The following SLC7A8 variants were observed in gnomAD, a reference collection of about 807,000 sequenced individuals.
The protein encoded by SLC7A8 is solute carrier family 7 member 8, also known as large neutral amino acids transporter small subunit 2.
In SLC7A8, 30 loss-of-function variants were observed where a neutral mutation model predicts 51.2. The observed-to-expected ratio is 0.59, with a 90% CI of 0.44 to 0.80. SLC7A8 has a LOEUF of 0.80. Ranked by LOEUF, SLC7A8 falls within the 30% of genes least tolerant of loss-of-function variation. SLC7A8 has a pLI of 0.00. For missense variants in SLC7A8, 612 were observed against 674.4 expected (o/e 0.91, Z 1.03); for synonymous variants, 257 against 275.8 (o/e 0.93, Z 0.67).
Position 23,129,738 on chromosome 14 carries a change from C to T in SLC7A8, c.1175G>A (p.Gly392Asp), listed in dbSNP as rs2048614709. ...CCCATAGAAGAGGTAGTTGATGAAG[C>T]CCACATAGTTGATGAGTGTGTACAT... ...SDMYTLINYV[G>D]FINYLFYGVT... is the part of the protein sequence containing the mutation. The change falls in exon 9 of 11, where the codon GGC becomes GAC. Residue 392 changes from glycine to aspartate, a missense_variant. Coordinates refer to ENST00000316902, the MANE Select transcript of SLC7A8 (RefSeq NM_012244.4). The T allele has an allele frequency of 6.2e-7, 1 of 1,614,160 alleles. No individual in the cohort carries two copies. Among genetic ancestry groups the T allele is most frequent in the Middle Eastern group, 1.6e-4 (1 of 6,062 alleles).
intron 3 of SLC7A8, among the ~76,000 whole-genome samples, chr14:23,151,570 AAC>A (rs2048847520): frequency 6.6e-6 from 1 of 151,942 alleles, no homozygotes; most frequent in South Asian, 2.1e-4. Flanking sequence ...CAGCCTGGGC[AAC>A]ACAGCAAGAT....
Position 23,143,207 on chromosome 14 carries a change from G to GA in SLC7A8, c.509-4dup, listed in dbSNP as rs1566362112. ...ACAGTTGACCCATGTGAGGAGCACTGAAATGAAAGACCCCCAAACAGACCT... is the reference window on the plus strand; with the variant it reads ...ACAGTTGACCCATGTGAGGAGCACTGAAAATGAAAGACCCCCAAACAGACCT... On this transcript the variant is annotated splice_region_variant and splice_polypyrimidine_tract_variant and intron_variant, in intron 3 of 10. Transcript: ENST00000316902. 1.9e-6 allele frequency: 3 copies of GA among 1,614,120 alleles called. No homozygotes were observed. Among genetic ancestry groups the GA allele is most frequent in the Non-Finnish European group, 2.5e-6 (3 of 1,180,004 alleles).
rs112144609 is a variant in SLC7A8, at chr14:23,165,575, A to G, written c.357-139T>C. On this transcript the variant is annotated intron_variant, in intron 2 of 10. Coordinates refer to ENST00000316902, the MANE Select transcript of SLC7A8 (RefSeq NM_012244.4). The surrounding 1 kb of genome is among the most constrained non-coding windows in gnomAD (Gnocchi z 4.2). ...CAGCCTCTGCCCCCACCCACAAATG[A>G]GACACCCAGCCCTCTGCAGTGACAA... The G allele has an allele frequency of 8.7e-5, 69 of 789,392 alleles. No individual in the cohort carries two copies. Among genetic ancestry groups the G allele is most frequent in the Admixed American group, 1.4e-4 (4 of 28,322 alleles). 48.9% of individuals were successfully genotyped at this position (789,392 alleles called of 1,614,324 possible). A position where few individuals can be genotyped will look rare whatever the true frequency, so the allele number is the denominator to read the frequency against.
intron 1 of SLC7A8, among the ~76,000 whole-genome samples, chr14:23,179,685 T>C (rs1877077656): frequency 6.6e-6 from 1 of 151,836 alleles, no homozygotes; most frequent in African/African-American, 2.4e-5. Context: ...GGTGTATGCC[T>C]GTGGTCACAG....
At chr14:23,155,244 G>A (rs1481867575) in intron 3 of SLC7A8, 2 of 1,536,078 alleles carry the variant, frequency 1.3e-6, no homozygotes, top group Admixed American at 2.0e-5. Context: ...TCTCTTCCAA[G>A]GACACACCAG....
intron 1 of SLC7A8, among the ~76,000 whole-genome samples, chr14:23,172,421 G>A (rs1750757108): frequency 6.6e-6 from 1 of 152,188 alleles, no homozygotes; most frequent in African/African-American, 2.4e-5. Context: ...CTTGTTTTGG[G>A]AGGTAATTGG....
intron 1 of SLC7A8, among the ~76,000 whole-genome samples, chr14:23,179,112 G>A (rs1428710525): frequency 6.6e-6 from 1 of 151,904 alleles, no homozygotes; most frequent in Non-Finnish European, 1.5e-5. Context: ...CCCAGAATCA[G>A]CTCCCCTACT....
intron 1 of SLC7A8, among the ~76,000 whole-genome samples, chr14:23,178,060 A>G (rs1299307247): frequency 6.6e-6 from 1 of 152,226 alleles, no homozygotes; most frequent in Non-Finnish European, 1.5e-5. Context: ...GACCTTCAGC[A>G]AAGTTGCTTA....
chr14:23,166,979 T>G (rs1457529346), intron 1 of SLC7A8, among the ~76,000 whole-genome samples: 7 of 152,102 alleles, frequency 4.6e-5, no homozygotes, highest in Non-Finnish European at 1.0e-4. Flanking sequence ...ATGGCAGGGC[T>G]GGAAAAGTGG....
intron 3 of SLC7A8, among the ~76,000 whole-genome samples, chr14:23,159,667 A>G (rs1357760732): frequency 1.3e-5 from 2 of 152,214 alleles, no homozygotes; most frequent in Non-Finnish European, 2.9e-5. Flanking sequence ...GATTGATTAA[A>G]TTTGCAAGAG....
rs868859859 is a variant in SLC7A8 at position 23,144,345 on chromosome 14, T to A, written c.509-1141A>T. 8.6e-3 allele frequency among the ~76,000 whole-genome samples: 1,198 copies of A among 138,956 alleles called. 18 individuals are homozygous for A. The highest frequency in any genetic ancestry group is 0.037 in the African/African-American group (1,142 of 30,640). The allele number at this position is 138,956 out of a possible 152,430, so 91.2% of individuals were successfully genotyped here. On this transcript the variant is annotated intron_variant, in intron 3 of 10. Transcript: ENST00000316902. ...GGTATTGTCAGTTTAAACACAATTTTTTTTTTTTTTTTTTTTTTGGCTAAT... is the reference window on the plus strand; with the variant it reads ...GGTATTGTCAGTTTAAACACAATTTATTTTTTTTTTTTTTTTTTGGCTAAT...
At chr14:23,138,054 G>C in intron 6 of SLC7A8, 30 bp from the exon 7 acceptor site, 8 of 1,613,104 alleles carry the variant, frequency 5.0e-6, no homozygotes, top group Non-Finnish European at 6.8e-6. Context: ...GATAAGCAAA[G>C]GAGAGGTCAC....
At chr14:23,136,200 A>C (rs2048688519) in intron 7 of SLC7A8, among the ~76,000 whole-genome samples, 1 of 152,188 alleles carries the variant, frequency 6.6e-6, no homozygotes, top group African/African-American at 2.4e-5. Flanking sequence ...CATAAGCAGT[A>C]ACCATCATGA....
At position 23,126,943 on chromosome 14, in the gene SLC7A8, G is replaced by T. The variant is rs961474335; in HGVS notation, c.*234C>A. ...CCCCTCTCCTCCAGCAGCTGGGAGT[G>T]TGGGCAGCACTGGAGTGGGGCCTGG... On this transcript the variant is annotated 3_prime_UTR_variant, in exon 11 of 11. Coordinates refer to ENST00000316902, the MANE Select transcript of SLC7A8 (RefSeq NM_012244.4). 4 of 552,646 alleles carry T rather than the reference G, an allele frequency of 7.2e-6. No homozygotes were observed. The highest frequency in any genetic ancestry group is 1.9e-5 in the African/African-American group (1 of 52,918). The allele number at this position is 552,646 out of a possible 1,614,324, so 34.2% of individuals were successfully genotyped here.
At position 23,127,346 on chromosome 14, in the gene SLC7A8, G is replaced by T. The variant is rs1413439280; in HGVS notation, c.1442-3C>A. 2 of 1,613,428 alleles carry T rather than the reference G, an allele frequency of 1.2e-6. No homozygotes were observed. The highest frequency in any genetic ancestry group is 3.3e-5 in the Admixed American group (2 of 59,992). On this transcript the variant is annotated splice_region_variant and splice_polypyrimidine_tract_variant and intron_variant, in intron 10 of 10. Transcript: ENST00000316902. The stretch of plus-strand genomic sequence containing the variant: ...CTGGCTCACCAGGGTTAGCAGCTCT[G>T]TAGGAAGAGATCACACAGAAACCAG...
rs1276003404 is a variant in SLC7A8, at chr14:23,183,496, G to A, written c.-582C>T. 1 of 152,118 alleles carries A rather than the reference G, an allele frequency of 6.6e-6. No individual in the cohort carries two copies. The highest frequency in any genetic ancestry group is 1.5e-5 in the Non-Finnish European group (1 of 68,074). The allele number at this position is 152,118 out of a possible 1,614,324, so 9.4% of individuals were successfully genotyped here. A position where few individuals can be genotyped will look rare whatever the true frequency, so the allele number is the denominator to read the frequency against. On this transcript the variant is annotated 5_prime_UTR_variant, in exon 1 of 11. Transcript: ENST00000316902. ...GTTGCTCTAGATCTGGTTTCCACCT[G>A]CTTTGGGTTTCTTTTCCCTTCCCCG...
chr14:23,126,853 C>A lies in SLC7A8; in HGVS notation c.*324G>T. The A allele has an allele frequency of 2.6e-6, 1 of 379,290 alleles. No individual in the cohort carries two copies. The highest frequency in any genetic ancestry group is 2.0e-5 in the African/African-American group (1 of 49,044). The allele number at this position is 379,290 out of a possible 1,614,324, so 23.5% of individuals were successfully genotyped here. A position where few individuals can be genotyped will look rare whatever the true frequency, so the allele number is the denominator to read the frequency against. On this transcript the variant is annotated 3_prime_UTR_variant, in exon 11 of 11. Coordinates refer to ENST00000316902, the MANE Select transcript of SLC7A8 (RefSeq NM_012244.4). Reference sequence around the variant, plus strand: ...TGGGAGGGAAGGCAGTAATGAGCTCCGGTTCCTGAAGAGGCAGCTGAGGGT... The same window carrying A: ...TGGGAGGGAAGGCAGTAATGAGCTCAGGTTCCTGAAGAGGCAGCTGAGGGT...
chr14:23,160,629 G>A (rs1369796763), intron 3 of SLC7A8, among the ~76,000 whole-genome samples: 1 of 151,008 alleles, frequency 6.6e-6, no homozygotes, highest in Non-Finnish European at 1.5e-5. Context: ...ATAGGTCCAT[G>A]CAGCCAGAGT....
At chr14:23,148,128 A>T (rs1566364751) in intron 3 of SLC7A8, among the ~76,000 whole-genome samples, 4 of 152,216 alleles carry the variant, frequency 2.6e-5, no homozygotes, top group African/African-American at 9.6e-5. Flanking sequence ...GGGGCAGTTG[A>T]AGGCAGAATT....
Sources: gnomAD v4.1 joint callset for allele counts (sites outside exome capture counted in the v4.1 genomes callset) on GRCh38, gnomAD v4.1.1 for gene constraint, Gnocchi (gnomAD v3.1) non-coding constraint, MANE v1.5 for transcripts, NCBI Gene and HGNC (gene_info 2026-07-23, HGNC 2026-07-21) for gene names.